Variants in FAT4 observed in about 807,000 individuals in gnomAD.
The protein encoded by FAT4 is FAT atypical cadherin 4.
FAT4 carries 84 observed loss-of-function variants against 303.9 expected under a neutral mutation model. That is an observed-to-expected ratio of 0.28 (90% CI 0.23 to 0.33). The LOEUF (loss-of-function observed/expected upper bound fraction) is 0.33. Among genes scored for constraint, FAT4 ranks in the 10% least tolerant of loss-of-function variants. FAT4 has a pLI of 1.00. For synonymous variants in FAT4, 2,307 were observed against 2,298.8 expected (o/e 1.00, Z -0.10); for missense variants, 6,005 against 6,146.8 (o/e 0.98, Z 0.77).
At chr4:125,340,180 C>A (rs1252542366) in intron 2 of FAT4, among the ~76,000 whole-genome samples, 2 of 151,678 alleles carry the variant, frequency 1.3e-5, no homozygotes, top group South Asian at 2.1e-4. Context: ...ATTTTAAATT[C>A]AAAAAATATT....
At chr4:125,376,812 G>C (rs551961863) in intron 2 of FAT4, among the ~76,000 whole-genome samples, 7 of 152,236 alleles carry the variant, frequency 4.6e-5, no homozygotes, top group African/African-American at 1.7e-4. Context: ...TTGAACCCAG[G>C]AGGTGGAGGT....
Position 125,491,255 on chromosome 4 carries a change from G to A in FAT4, c.14439G>A (p.Gly4813=), listed in dbSNP as rs1205203822. Residue 4813 remains glycine (G), a synonymous_variant, in exon 18 of 18, where the codon GGG becomes GGA. Transcript: ENST00000394329. ...CAAGTATCTGCAGTGCAGACCATGG[G>A]AGGTCTTCTTCAGAGGAGGACTGCA... is the stretch of plus-strand genomic sequence containing the variant. ...RNPSICSADH[G]RSSSEEDCRR... 1 of 1,614,084 alleles carries A rather than the reference G, an allele frequency of 6.2e-7. No homozygotes were observed. Among genetic ancestry groups the A allele is most frequent in the South Asian group, 1.1e-5 (1 of 91,076 alleles).
chr4:125,362,025 C>T lies in FAT4; in HGVS notation c.5176-36759C>T, dbSNP rs145340308. On this transcript the variant is annotated intron_variant, in intron 2 of 17. Coordinates refer to ENST00000394329, the MANE Select transcript of FAT4 (RefSeq NM_001291303.3). ...CATGGGTAGACTCTGGATCAGACTTCTCATTGAAAGACCTTTGAAATTTGC... is the reference window on the plus strand; with the variant it reads ...CATGGGTAGACTCTGGATCAGACTTTTCATTGAAAGACCTTTGAAATTTGC... 6.2e-4 allele frequency among the ~76,000 whole-genome samples: 94 copies of T among 152,224 alleles called. 1 individual carries two copies. The East Asian group carries it at 0.017, about 28-fold the overall frequency.
intron 5 of FAT4, 70 bp from the exon 6 acceptor site, chr4:125,414,814 A>G: frequency 9.5e-7 from 1 of 1,057,182 alleles, no homozygotes. Context: ...TTACTTGCTA[A>G]AAGTTTTGGT....
At chr4:125,388,518 C>A (rs895199477) in intron 2 of FAT4, among the ~76,000 whole-genome samples, 1 of 152,044 alleles carries the variant, frequency 6.6e-6, no homozygotes, top group Non-Finnish European at 1.5e-5. Flanking sequence ...TACTACAGGA[C>A]GCATTTGTAG....
intron 3 of FAT4, among the ~76,000 whole-genome samples, chr4:125,406,034 T>G (rs944350324): frequency 1.5e-4 from 23 of 152,298 alleles, no homozygotes; most frequent in African/African-American, 5.5e-4. Context: ...TGATATACTT[T>G]CACTTGTCTG....
chr4:125,332,467 T>C (rs1025657011), intron 2 of FAT4, among the ~76,000 whole-genome samples: 5 of 152,162 alleles, frequency 3.3e-5, no homozygotes, highest in African/African-American at 1.2e-4. Flanking sequence ...GTTTAGTTGC[T>C]CAGGAAACAA....
In FAT4 at chr4:125,316,694, ACCATCGACCGCGAGAGCCTGC is replaced by A; in HGVS notation, c.287_307del (p.Ile96_Pro102del). 6.2e-7 allele frequency: 1 copy of A among 1,613,456 alleles called. No homozygotes were observed. The highest frequency in any genetic ancestry group is 8.5e-7 in the Non-Finnish European group (1 of 1,179,994). ...CACCGGAGCCCTGTACACCACCTCC[ACCATCGACCGCGAGAGCCTGC>A]CCAGCGACGTGATCAACCTGGTGGT... On this transcript the variant is annotated inframe_deletion, in exon 2 of 18. Transcript: ENST00000394329. This position sits in a 1 kb window ranked among gnomAD's most constrained non-coding sequence, Gnocchi z 5.7.
chr4:125,338,122 T>C (rs1227566556), intron 2 of FAT4, among the ~76,000 whole-genome samples: 1 of 152,140 alleles, frequency 6.6e-6, no homozygotes, highest in Non-Finnish European at 1.5e-5. Flanking sequence ...TCCCTGTTCT[T>C]AGATGAAGAT....
chr4:125,397,589 A>G (rs1319179532), intron 2 of FAT4, among the ~76,000 whole-genome samples: 2 of 152,222 alleles, frequency 1.3e-5, no homozygotes, highest in Admixed American at 1.3e-4. Context: ...TTCTACTAAA[A>G]GGTGGAACTA....
At chr4:125,400,636 C>T (rs750848530) in intron 3 of FAT4, among the ~76,000 whole-genome samples, 1 of 151,676 alleles carries the variant, frequency 6.6e-6, no homozygotes, top group African/African-American at 2.4e-5. Context: ...TAGGAAGGTC[C>T]TTATACATCT....
intron 2 of FAT4, among the ~76,000 whole-genome samples, chr4:125,349,586 G>T (rs895181637): frequency 4.0e-5 from 6 of 151,792 alleles, no homozygotes; most frequent in Admixed American, 2.0e-4. Flanking sequence ...GATTTATGGT[G>T]ACATAAGCAG....
intron 2 of FAT4, among the ~76,000 whole-genome samples, chr4:125,363,204 T>G (rs1312493229): frequency 6.6e-6 from 1 of 152,018 alleles, no homozygotes; most frequent in African/African-American, 2.4e-5. Flanking sequence ...ACATGGAATT[T>G]GTAAGTGTTA....
At chr4:125,429,182 C>T (rs975223399) in intron 7 of FAT4, among the ~76,000 whole-genome samples, 15 of 152,046 alleles carry the variant, frequency 9.9e-5, no homozygotes, top group South Asian at 2.1e-4. Context: ...AGGCTAAGTC[C>T]CAGACTATAA....
In FAT4 at chr4:125,367,435, C is replaced by T. The variant is rs184341134; in HGVS notation, c.5176-31349C>T. On this transcript the variant is annotated intron_variant, in intron 2 of 17. Coordinates refer to ENST00000394329, the MANE Select transcript of FAT4 (RefSeq NM_001291303.3). ...ACAATTTGTAACTGTCAGCAATAGA[C>T]TTGAACCCAAGTATTCTGGTTCCAG... Among the ~76,000 whole-genome samples the T allele has an allele frequency of 2.9e-3, 434 of 151,922 alleles. 3 individuals are homozygous for T. The highest frequency in any genetic ancestry group is 2.9e-3 in the Non-Finnish European group (198 of 67,922).
At position 125,452,516 on chromosome 4, in the gene FAT4, C is replaced by G. The variant is rs1726129839; in HGVS notation, c.11506C>G (p.Pro3836Ala). The G allele has an allele frequency of 6.2e-7, 1 of 1,613,942 alleles. No homozygotes were observed. Among genetic ancestry groups the G allele is most frequent in the African/African-American group, 1.3e-5 (1 of 74,924 alleles). ...SSVLKSRESL[P>A]VIIVANEPLQ... ...CGTATTAAAAAGCCGTGAGAGTCTTCCAGTCATCATCGTGGCAAATGAACC... is the reference window on the plus strand; with the variant it reads ...CGTATTAAAAAGCCGTGAGAGTCTTGCAGTCATCATCGTGGCAAATGAACC... The change falls in exon 10 of 18, where the codon CCA (proline) becomes GCA (alanine). Residue 3836 changes from proline to alanine, a missense_variant. Physicochemically the swap from Pro to Ala is conservative, Grantham distance 27 (BLOSUM62 -1). Coordinates refer to ENST00000394329, the MANE Select transcript of FAT4 (RefSeq NM_001291303.3).
intron 9 of FAT4, 22 bp from the exon 10 acceptor site, chr4:125,448,439 C>T (rs201064852): frequency 3.8e-6 from 6 of 1,570,768 alleles, no homozygotes; most frequent in Non-Finnish European, 5.2e-6. Context: ...GTGAGTATAA[C>T]TGCACACTTT....
intron 16 of FAT4, among the ~76,000 whole-genome samples, chr4:125,485,750 A>G (rs778482364): frequency 1.3e-5 from 2 of 152,190 alleles, no homozygotes; most frequent in Non-Finnish European, 2.9e-5. Context: ...ATCAAATTGC[A>G]TGTGATATAC....
At chr4:125,407,198 C>A in intron 4 of FAT4, 57 bp downstream of exon 4, 2 of 1,490,136 alleles carry the variant, frequency 1.3e-6, no homozygotes, top group East Asian at 2.3e-5. Flanking sequence ...ACCAAAATTA[C>A]ATACTATGTT....
Sources: allele counts gnomAD v4.1 joint callset (sites outside exome capture counted in the v4.1 genomes callset), GRCh38; gene constraint gnomAD v4.1.1; non-coding constraint Gnocchi (gnomAD v3.1); transcripts MANE v1.5; gene names NCBI Gene and HGNC (gene_info 2026-07-23, HGNC 2026-07-21).